The following HFM1 variants were observed in gnomAD, a reference collection of about 807,000 sequenced individuals.
The protein encoded by HFM1 is probable ATP-dependent DNA helicase HFM1.
Under a neutral mutation model 192.1 loss-of-function variants are expected in HFM1, and 169 were observed. The ratio of observed to expected loss-of-function variants is 0.88; its 90% confidence interval spans 0.78 to 1.00. The LOEUF (loss-of-function observed/expected upper bound fraction) is 1.00, where lower values mean the gene tolerates loss of function less well. Ranked by LOEUF, HFM1 falls within the 50% of genes least tolerant of loss-of-function variation. The probability of loss-of-function intolerance (pLI) is 0.00; values close to 1 mark genes in which losing one functional copy is unlikely to be tolerated. For synonymous variants in HFM1, 525 were observed against 537.8 expected (o/e 0.98, Z 0.33); for missense variants, 1,661 against 1,668.0 (o/e 1.00, Z 0.07).
At chr1:91,277,873 AAT>A (rs1667070595) in intron 30 of HFM1, among the ~76,000 whole-genome samples, 2 of 113,906 alleles carry the variant, frequency 1.8e-5, no homozygotes, top group African/African-American at 7.0e-5. Flanking sequence ...TTATATATAT[AAT>A]ATATACTTAT....
chr1:91,288,391 T>C (rs1375685091), intron 30 of HFM1, among the ~76,000 whole-genome samples: 1 of 116,636 alleles, frequency 8.6e-6, no homozygotes, highest in East Asian at 2.1e-4. Flanking sequence ...TTTTTTTTTT[T>C]AGTATTTATT....
chr1:91,390,197 G>A (rs1662768203), intron 4 of HFM1, among the ~76,000 whole-genome samples: 2 of 152,130 alleles, frequency 1.3e-5, no homozygotes, highest in Admixed American at 1.3e-4. Flanking sequence ...CCCAATACTG[G>A]GAGGCCGAGG....
intron 25 of HFM1, among the ~76,000 whole-genome samples, chr1:91,317,354 C>T (rs1006444287): frequency 6.6e-6 from 1 of 152,088 alleles, no homozygotes; most frequent in Non-Finnish European, 1.5e-5. Flanking sequence ...GCGGAGGTTG[C>T]GGTGAGCCAA....
chr1:91,319,172 A>C lies in HFM1; in HGVS notation c.2718T>G (p.Phe906Leu). ...SDFVAAQEKK[F>L]AVLLNSLILA... ...AAATCAAACTATTCAATAGTACAGC[A>C]AACTTCTTTTCTTGAGCAGCTACAA... The change falls in exon 25 of 39, where the codon TTT becomes TTG. Residue 906 changes from phenylalanine to leucine, a missense_variant. By Grantham distance (22) the Phe-to-Leu change is conservative. Transcript: ENST00000370425. The C allele has an allele frequency of 6.2e-7, 1 of 1,609,800 alleles. No individual in the cohort carries two copies. The highest frequency in any genetic ancestry group is 8.5e-7 in the Non-Finnish European group (1 of 1,178,916).
chr1:91,319,423 T>A, intron 23 of HFM1, 33 bp from the exon 24 acceptor site: 1 of 1,327,720 alleles, frequency 7.5e-7, no homozygotes, highest in South Asian at 1.2e-5. Context: ...TTACTCCCTT[T>A]TAAGGGTTAT....
At chr1:91,378,381 T>C (rs761460558) in intron 10 of HFM1, 22 bp downstream of exon 10, 13 of 1,538,550 alleles carry the variant, frequency 8.4e-6, no homozygotes, top group African/African-American at 4.1e-5. Flanking sequence ...TGTTTATCTC[T>C]GAAAGCGAAT....
At position 91,394,174 on chromosome 1, in the gene HFM1, G is replaced by A; in HGVS notation, c.413C>T (p.Pro138Leu). The change falls in exon 4 of 39, where the codon CCT becomes CTT. Residue 138 changes from proline (P) to leucine (L), a missense_variant. Coordinates refer to ENST00000370425, the MANE Select transcript of HFM1 (RefSeq NM_001017975.6). Reference sequence around the variant, plus strand: ...TGTATCATCAGGAACACTCTTCTCAGGTGCTATCTCAGTGCCAATGTGATT... The same window carrying A: ...TGTATCATCAGGAACACTCTTCTCAAGTGCTATCTCAGTGCCAATGTGATT... ...YKNHIGTEIA[P>L]EKSVPDDTKL... 4 of 1,608,606 alleles carry A rather than the reference G, an allele frequency of 2.5e-6. No homozygotes were observed. The African/African-American group carries it at 4.0e-5, about 16-fold the overall frequency.
At chr1:91,326,802 C>T (rs930935687) in intron 20 of HFM1, among the ~76,000 whole-genome samples, 1 of 152,096 alleles carries the variant, frequency 6.6e-6, no homozygotes. Context: ...ATAGCTACAA[C>T]AGCTTTTCAA....
chr1:91,281,126 G>A (rs1170159115), intron 30 of HFM1, among the ~76,000 whole-genome samples: 1 of 152,184 alleles, frequency 6.6e-6, no homozygotes, highest in Non-Finnish European at 1.5e-5. Flanking sequence ...AGACAGAAAG[G>A]ATGCAAGAAA....
intron 30 of HFM1, among the ~76,000 whole-genome samples, chr1:91,312,494 G>C (rs894919018): frequency 2.0e-5 from 3 of 152,208 alleles, no homozygotes; most frequent in Non-Finnish European, 4.4e-5. Flanking sequence ...AGACATGCAT[G>C]GGGCCTGTAA....
In HFM1 at chr1:91,367,374, C is replaced by G. The variant is rs1659499097; in HGVS notation, c.1685+7984G>C. 2.6e-5 allele frequency among the ~76,000 whole-genome samples: 4 copies of G among 152,160 alleles called. No homozygotes were observed. In the South Asian group the frequency reaches 8.3e-4, roughly 32 times the overall value. ...CCGACCAGTAGGGGCGGACTGACACCTCACACAGCTGGGTACTCCTCTGAG... is the reference window on the plus strand; with the variant it reads ...CCGACCAGTAGGGGCGGACTGACACGTCACACAGCTGGGTACTCCTCTGAG... On this transcript the variant is annotated intron_variant, in intron 13 of 38. Coordinates refer to ENST00000370425, the MANE Select transcript of HFM1 (RefSeq NM_001017975.6).
chr1:91,272,158 A>G lies in HFM1; in HGVS notation c.3772+1554T>C, dbSNP rs190424003. On this transcript the variant is annotated intron_variant, in intron 34 of 38. Coordinates refer to ENST00000370425, the MANE Select transcript of HFM1 (RefSeq NM_001017975.6). ...GACTAATATGTGAAAAATATAATAA[A>G]CATAATTAGTTATTACTAACAGTAC... Among the ~76,000 whole-genome samples the G allele has an allele frequency of 1.4e-4, 21 of 152,220 alleles. No individual in the cohort carries two copies. The East Asian group carries it at 3.7e-3, about 27-fold the overall frequency.
chr1:91,329,995 G>C (rs548930178), intron 20 of HFM1, among the ~76,000 whole-genome samples: 1 of 152,174 alleles, frequency 6.6e-6, no homozygotes, highest in Non-Finnish European at 1.5e-5. Flanking sequence ...CAGATGGGAG[G>C]AACTGCTGAG....
chr1:91,335,643 C>G (rs1202969458), intron 20 of HFM1, among the ~76,000 whole-genome samples: 1 of 151,986 alleles, frequency 6.6e-6, no homozygotes, highest in Non-Finnish European at 1.5e-5. Flanking sequence ...GATTAATATT[C>G]TAACAGGAAA....
In HFM1 at chr1:91,313,954, T is replaced by A. The variant is rs2101149069; in HGVS notation, c.3244+3A>T. On this transcript the variant is annotated splice_donor_region_variant and intron_variant, in intron 29 of 38. Coordinates refer to ENST00000370425, the MANE Select transcript of HFM1 (RefSeq NM_001017975.6). ...CATGTCTTCATTACTTCAATTAACT[T>A]ACCAAATTCAGAACTTATTAGATTT... 1 of 1,506,898 alleles carries A rather than the reference T, an allele frequency of 6.6e-7. No homozygotes were observed. The highest frequency in any genetic ancestry group is 1.7e-4 in the Middle Eastern group (1 of 5,764). 93.3% of individuals were successfully genotyped at this position (1,506,898 alleles called of 1,614,324 possible).
At chr1:91,269,892 A>G (rs996805553) in intron 34 of HFM1, among the ~76,000 whole-genome samples, 1 of 152,180 alleles carries the variant, frequency 6.6e-6, no homozygotes, top group African/African-American at 2.4e-5. Flanking sequence ...GTAAGTTTTC[A>G]GGATTTCTGG....
intron 3 of HFM1, 65 bp from the exon 4 acceptor site, chr1:91,394,467 T>G: frequency 1.0e-6 from 1 of 971,532 alleles, no homozygotes; most frequent in Non-Finnish European, 1.5e-6. Context: ...AAAATGATGA[T>G]GAAAAACTTT....
rs573327693 is a variant in HFM1 at position 91,392,227 on chromosome 1, C to T, written c.494+1866G>A. Among the ~76,000 whole-genome samples the T allele has an allele frequency of 7.4e-3, 1,110 of 149,562 alleles. 7 individuals are homozygous for T. Among genetic ancestry groups the T allele is most frequent in the Non-Finnish European group, 0.012 (813 of 66,116 alleles). ...ATCTAGAACTAGAAATACCATTTGACCCAGCCATCCCATTACTGGGTATAT... is the reference window on the plus strand; with the variant it reads ...ATCTAGAACTAGAAATACCATTTGATCCAGCCATCCCATTACTGGGTATAT... On this transcript the variant is annotated intron_variant, in intron 4 of 38. Coordinates refer to ENST00000370425, the MANE Select transcript of HFM1 (RefSeq NM_001017975.6).
At chr1:91,384,799 A>G (rs1462896044) in intron 6 of HFM1, among the ~76,000 whole-genome samples, 1 of 151,446 alleles carries the variant, frequency 6.6e-6, no homozygotes, top group African/African-American at 2.4e-5. Context: ...GCTAGAATGC[A>G]ATGGCACAAT....
Sources: gnomAD v4.1 joint callset for allele counts (sites outside exome capture counted in the v4.1 genomes callset) on GRCh38, gnomAD v4.1.1 for gene constraint, MANE v1.5 for transcripts, NCBI Gene and HGNC (gene_info 2026-07-23, HGNC 2026-07-21) for gene names.